FRK: variants seen among roughly 807,000 people sequenced by gnomAD.
FRK encodes the protein tyrosine-protein kinase FRK.
Under a neutral mutation model 56.4 loss-of-function variants are expected in FRK, and 51 were observed. That is an observed-to-expected ratio of 0.90 (90% CI 0.72 to 1.14). The LOEUF (loss-of-function observed/expected upper bound fraction) is 1.14. Ranked by LOEUF, FRK falls within the 50% of genes most tolerant of loss-of-function variation. The pLI, the probability that FRK is intolerant of heterozygous loss-of-function variation, is 0.00. For synonymous variants in FRK, 245 were observed against 217.9 expected (o/e 1.12, Z -1.10); for missense variants, 570 against 601.4 (o/e 0.95, Z 0.55).
At chr6:115,958,734 A>AGAAG (rs1773181966) in intron 4 of FRK, among the ~76,000 whole-genome samples, 2 of 35,432 alleles carry the variant, frequency 5.6e-5, no homozygotes, top group African/African-American at 1.9e-4. Context: ...AAAGAAAGAA[A>AGAAG]GAAAGAAAGA....
intron 2 of FRK, among the ~76,000 whole-genome samples, chr6:115,991,757 T>A (rs1774616513): frequency 6.6e-6 from 1 of 151,688 alleles, no homozygotes; most frequent in African/African-American, 2.4e-5. Flanking sequence ...CTTGCCAGAT[T>A]TTTGTATCAG....
At chr6:116,037,119 T>G (rs1776516554) in intron 1 of FRK, among the ~76,000 whole-genome samples, 1 of 152,188 alleles carries the variant, frequency 6.6e-6, no homozygotes, top group Non-Finnish European at 1.5e-5. Flanking sequence ...GCTGTTAACT[T>G]ACTCTAATAC....
chr6:115,981,675 A>T (rs1014840040), intron 2 of FRK, among the ~76,000 whole-genome samples: 1 of 152,112 alleles, frequency 6.6e-6, no homozygotes, highest in Non-Finnish European at 1.5e-5. Flanking sequence ...AACAGGGTAA[A>T]CATGAAAGTC....
intron 1 of FRK, among the ~76,000 whole-genome samples, chr6:116,006,942 G>T (rs1008178940): frequency 6.6e-6 from 1 of 152,186 alleles, no homozygotes; most frequent in Non-Finnish European, 1.5e-5. Context: ...TAAAGTTTAA[G>T]AAAACACGTT....
chr6:116,025,539 AC>A (rs781252615), intron 1 of FRK, among the ~76,000 whole-genome samples: 5 of 152,156 alleles, frequency 3.3e-5, no homozygotes, highest in Non-Finnish European at 5.9e-5. Flanking sequence ...ATGAACTTAT[AC>A]CTAGACCATA....
intron 1 of FRK, among the ~76,000 whole-genome samples, chr6:116,032,683 A>G (rs1290414758): frequency 6.6e-6 from 1 of 152,132 alleles, no homozygotes; most frequent in Admixed American, 6.6e-5. Flanking sequence ...CATTACTGCA[A>G]ATACATATTC....
the FRK span, among the ~76,000 whole-genome samples, chr6:116,095,393 T>A: frequency 2.6e-5 from 4 of 152,200 alleles, no homozygotes; most frequent in Non-Finnish European, 5.9e-5. Flanking sequence ...CTATATCAAT[T>A]CTAAGTTAAT....
At chr6:115,960,104 G>C (rs549016219) in intron 4 of FRK, among the ~76,000 whole-genome samples, 1 of 151,998 alleles carries the variant, frequency 6.6e-6, no homozygotes. Flanking sequence ...CGCAGAAGAC[G>C]GGTGATTTCT....
rs540862780 is a variant in FRK, at chr6:115,989,447, T to C, written c.466+14430A>G. Among the ~76,000 whole-genome samples, 3 of 151,960 alleles carry C rather than the reference T, an allele frequency of 2.0e-5. No individual in the cohort carries two copies. The South Asian group carries it at 6.2e-4, about 32-fold the overall frequency. ...TTTTTAAACTCTCACTCCCTTCCCA[T>C]CCTACCCCTTTGTTGAGTCCCCAGT... On this transcript the variant is annotated intron_variant, in intron 2 of 7. Transcript: ENST00000606080.
intron 1 of FRK, among the ~76,000 whole-genome samples, chr6:116,045,554 C>T (rs1776916022): frequency 6.6e-6 from 1 of 152,158 alleles, no homozygotes; most frequent in Admixed American, 6.5e-5. Context: ...AAACTGGACC[C>T]CTTCCTTACA....
At chr6:115,973,155 A>C (rs1018220209) in intron 2 of FRK, among the ~76,000 whole-genome samples, 1 of 152,158 alleles carries the variant, frequency 6.6e-6, no homozygotes, top group South Asian at 2.1e-4. Flanking sequence ...CTGATTTGTC[A>C]AGCTACCATT....
In FRK at chr6:115,939,334, C is replaced by G. The variant is rs912388401; in HGVS notation, c.*3080G>C. 1 of 151,634 alleles carries G rather than the reference C, an allele frequency of 6.6e-6. No individual in the cohort carries two copies. The highest frequency in any genetic ancestry group is 2.4e-5 in the African/African-American group (1 of 41,260). 9.4% of individuals were successfully genotyped at this position (151,634 alleles called of 1,614,324 possible). ...AACTAGGTATTGATGGAACGTAGCT[C>G]AAAAAAAATGACAGATTTAAGACAA... On this transcript the variant is annotated 3_prime_UTR_variant, in exon 8 of 8. Coordinates refer to ENST00000606080, the MANE Select transcript of FRK (RefSeq NM_002031.3).
intron 1 of FRK, among the ~76,000 whole-genome samples, chr6:116,049,153 T>C (rs570564607): frequency 1.3e-5 from 2 of 152,304 alleles, no homozygotes; most frequent in African/African-American, 2.4e-5. Context: ...TATTTCCCAT[T>C]AGATAAAACC....
chr6:115,969,032 T>TGCCTCCCACTGGGC (rs1164328121), intron 2 of FRK, among the ~76,000 whole-genome samples: 2 of 152,114 alleles, frequency 1.3e-5, no homozygotes, highest in African/African-American at 4.8e-5. Context: ...AGCCATAAAA[T>TGCCTCCCACTGGGC]TGACTCTATC....
At chr6:116,002,621 G>T (rs1775106617) in intron 2 of FRK, 1 of 434,762 alleles carries the variant, frequency 2.3e-6, no homozygotes, top group South Asian at 1.6e-5. Context: ...ACAAAAAAAT[G>T]GTAATTGACA....
At chr6:116,041,392 A>G (rs774673519) in intron 1 of FRK, among the ~76,000 whole-genome samples, 43 of 152,322 alleles carry the variant, frequency 2.8e-4, no homozygotes, top group Non-Finnish European at 5.0e-4. Context: ...AGGAAAGTGC[A>G]AAGAGGATCA....
At position 115,933,064 on chromosome 6, in the gene FRK, T is replaced by C. The variant is rs1375677035; in HGVS notation, c.*9350A>G. 1 of 152,218 alleles carries C rather than the reference T, an allele frequency of 6.6e-6. No homozygotes were observed. Among genetic ancestry groups the C allele is most frequent in the Non-Finnish European group, 1.5e-5 (1 of 68,034 alleles). 9.4% of individuals were successfully genotyped at this position (152,218 alleles called of 1,614,324 possible). A position where few individuals can be genotyped will look rare whatever the true frequency, so the allele number is the denominator to read the frequency against. ...CTATTCAGAGTCTACCCTGTGCCTC[T>C]TTTGACCTTAGGTAACTTAAATCTA... On this transcript the variant is annotated 3_prime_UTR_variant, in exon 8 of 8. Coordinates refer to ENST00000606080, the MANE Select transcript of FRK (RefSeq NM_002031.3).
chr6:115,983,253 A>G (rs1164213292), intron 2 of FRK, among the ~76,000 whole-genome samples: 2 of 152,104 alleles, frequency 1.3e-5, no homozygotes, highest in African/African-American at 2.4e-5. Context: ...GCAAATATCT[A>G]TGAGTGCTAT....
intron 1 of FRK, chr6:116,038,625 C>T (rs934367524): frequency 2.1e-5 from 6 of 284,654 alleles, no homozygotes; most frequent in African/African-American, 1.1e-4. Context: ...TTTGCCCATA[C>T]TAATCTCACA....
Sources: gnomAD v4.1 joint callset for allele counts (sites outside exome capture counted in the v4.1 genomes callset) on GRCh38, gnomAD v4.1.1 for gene constraint, MANE v1.5 for transcripts, NCBI Gene and HGNC (gene_info 2026-07-23, HGNC 2026-07-21) for gene names.